Variants in NCKAP5 observed in about 807,000 individuals in gnomAD.
NCKAP5 encodes the protein nck-associated protein 5.
Under a neutral mutation model 167.0 loss-of-function variants are expected in NCKAP5, and 92 were observed. The observed-to-expected ratio is 0.55, with a 90% CI of 0.47 to 0.66. The LOEUF is 0.66. Among genes scored for constraint, NCKAP5 ranks in the 30% least tolerant of loss-of-function variants. The pLI, the probability that NCKAP5 is intolerant of heterozygous loss-of-function variation, is 0.00. For missense variants in NCKAP5, 2,378 were observed against 2,315.0 expected, an observed-to-expected ratio of 1.03 and a Z score of -0.56; for synonymous variants, 891 against 877.4, an observed-to-expected ratio of 1.02 and a Z score of -0.27.
the NCKAP5 span, among the ~76,000 whole-genome samples, chr2:133,574,123 G>A: frequency 1.6e-5 from 2 of 124,842 alleles, no homozygotes; most frequent in Non-Finnish European, 3.7e-5. Context: ...AATGGAAGAG[G>A]ATAAGAAAAG....
At chr2:133,232,851 T>C (rs1043555433) in intron 4 of NCKAP5, among the ~76,000 whole-genome samples, 5 of 152,294 alleles carry the variant, frequency 3.3e-5, no homozygotes, top group African/African-American at 9.6e-5. Context: ...ATTTATAAAA[T>C]AGAAGAATAA....
At chr2:132,956,586 T>G (rs543777586) in intron 8 of NCKAP5, among the ~76,000 whole-genome samples, 4 of 152,208 alleles carry the variant, frequency 2.6e-5, no homozygotes, top group African/African-American at 7.2e-5. Flanking sequence ...GGCACACGAA[T>G]GTGCCATACC....
intron 11 of NCKAP5, among the ~76,000 whole-genome samples, chr2:132,858,323 G>T (rs963096683): frequency 2.0e-5 from 3 of 152,176 alleles, no homozygotes; most frequent in African/African-American, 7.2e-5. Context: ...AACTTCAAAA[G>T]AGGTGGGAGC....
At chr2:132,716,560 C>A (rs945767671) in intron 19 of NCKAP5, among the ~76,000 whole-genome samples, 1 of 151,796 alleles carries the variant, frequency 6.6e-6, no homozygotes, top group Non-Finnish European at 1.5e-5. Context: ...TGTTGGGCTG[C>A]AACACATTTG....
intron 3 of NCKAP5, among the ~76,000 whole-genome samples, chr2:133,345,436 A>T (rs1459823447): frequency 6.6e-6 from 1 of 152,198 alleles, no homozygotes; most frequent in African/African-American, 2.4e-5. Flanking sequence ...CCACCTGTCA[A>T]CTTGACTAGA....
At chr2:133,517,066 A>G (rs1684061691) in intron 3 of NCKAP5, among the ~76,000 whole-genome samples, 1 of 152,220 alleles carries the variant, frequency 6.6e-6, no homozygotes, top group African/African-American at 2.4e-5. Context: ...TCTGCTCTTC[A>G]ATATTTGAAC....
At position 132,728,811 on chromosome 2, in the gene NCKAP5, C is replaced by T; in HGVS notation, c.5580+5G>A. On this transcript the variant is annotated splice_donor_5th_base_variant and intron_variant, in intron 18 of 19. Coordinates refer to ENST00000409261, the MANE Select transcript of NCKAP5 (RefSeq NM_207363.3). ...TTGCACCCTTCACCTCCCCCGACCC[C>T]TCACCTGGGTCCCGGTGGCAGCAAC... The T allele has an allele frequency of 1.2e-6, 2 of 1,613,734 alleles. No individual in the cohort carries two copies. The highest frequency in any genetic ancestry group is 2.2e-5 in the South Asian group (2 of 91,066).
intron 3 of NCKAP5, among the ~76,000 whole-genome samples, chr2:133,480,149 G>A (rs927417479): frequency 1.3e-5 from 2 of 151,958 alleles, no homozygotes; most frequent in African/African-American, 4.8e-5. Context: ...CCATACTGGT[G>A]TTGAACTCCT....
At chr2:132,829,857 T>A (rs1381956788) in intron 11 of NCKAP5, among the ~76,000 whole-genome samples, 1 of 152,324 alleles carries the variant, frequency 6.6e-6, no homozygotes, top group East Asian at 1.9e-4. Flanking sequence ...ATTTCTCTTT[T>A]CTATGACTTC....
intron 3 of NCKAP5, among the ~76,000 whole-genome samples, chr2:133,468,490 G>A (rs1189208352): frequency 1.3e-5 from 2 of 151,592 alleles, no homozygotes; most frequent in African/African-American, 4.9e-5. Flanking sequence ...ATATTCTGTT[G>A]ATTTGGGGTG....
chr2:133,323,359 C>T (rs1291214012), intron 3 of NCKAP5, among the ~76,000 whole-genome samples: 2 of 152,158 alleles, frequency 1.3e-5, no homozygotes, highest in Non-Finnish European at 2.9e-5. Flanking sequence ...TCATATTGCA[C>T]TTTTGCCTCT....
chr2:133,602,572 G>T, the NCKAP5 span, among the ~76,000 whole-genome samples: 1 of 152,170 alleles, frequency 6.6e-6, no homozygotes, highest in Non-Finnish European at 1.5e-5. Flanking sequence ...GGCTAAAGTG[G>T]AGGTCTGCCG....
intron 8 of NCKAP5, among the ~76,000 whole-genome samples, chr2:132,884,520 C>T (rs1692059008): frequency 1.3e-5 from 2 of 152,204 alleles, no homozygotes; most frequent in Non-Finnish European, 1.5e-5. Context: ...CTTACCATTG[C>T]TGGGTTTATA....
At chr2:133,018,336 A>G (rs2078415872) in intron 6 of NCKAP5, among the ~76,000 whole-genome samples, 2 of 152,230 alleles carry the variant, frequency 1.3e-5, no homozygotes, top group South Asian at 4.1e-4. Context: ...ATGACCCACC[A>G]GAATACTGAC....
At chr2:132,859,362 G>A (rs1253881613) in intron 11 of NCKAP5, among the ~76,000 whole-genome samples, 1 of 152,010 alleles carries the variant, frequency 6.6e-6, no homozygotes, top group Non-Finnish European at 1.5e-5. Flanking sequence ...AATTCAGAGG[G>A]TAAATTAGCA....
At chr2:133,068,581 G>C (rs996336532) in intron 6 of NCKAP5, among the ~76,000 whole-genome samples, 1 of 152,120 alleles carries the variant, frequency 6.6e-6, no homozygotes, top group Non-Finnish European at 1.5e-5. Context: ...CCCTGTTCAA[G>C]CTGTTAGAGG....
At chr2:132,691,593 C>A (rs958281723) in intron 19 of NCKAP5, among the ~76,000 whole-genome samples, 2 of 152,124 alleles carry the variant, frequency 1.3e-5, no homozygotes, top group Admixed American at 6.6e-5. Context: ...AGAGAATCAC[C>A]ATCTTGGACA....
intron 2 of NCKAP5, among the ~76,000 whole-genome samples, chr2:133,526,341 G>C (rs865835825): frequency 7.7e-6 from 1 of 130,198 alleles, no homozygotes; most frequent in Non-Finnish European, 1.6e-5. Context: ...GGGAGGGAGG[G>C]AATACATGTC....
At chr2:133,427,779 A>C (rs1379955910) in intron 3 of NCKAP5, among the ~76,000 whole-genome samples, 1 of 152,120 alleles carries the variant, frequency 6.6e-6, no homozygotes, top group Non-Finnish European at 1.5e-5. Flanking sequence ...TAAATTTCTT[A>C]TATTAATACA....
Sources: gnomAD v4.1 joint callset for allele counts (sites outside exome capture counted in the v4.1 genomes callset) on GRCh38, gnomAD v4.1.1 for gene constraint, MANE v1.5 for transcripts, NCBI Gene and HGNC (gene_info 2026-07-23, HGNC 2026-07-21) for gene names.